The following ARFGEF3 variants were observed in gnomAD, a reference collection of about 807,000 sequenced individuals.
The protein encoded by ARFGEF3 is ARFGEF family member 3.
Under a neutral mutation model 221.7 loss-of-function variants are expected in ARFGEF3, and 96 were observed. That is an observed-to-expected ratio of 0.43 (90% confidence interval 0.37 to 0.51). ARFGEF3 has a LOEUF of 0.51. Ranked by LOEUF, ARFGEF3 falls within the 20% of genes least tolerant of loss-of-function variation. The probability of loss-of-function intolerance (pLI) is 0.00; values close to 1 mark genes in which losing one functional copy is unlikely to be tolerated. For missense variants in ARFGEF3, 2,410 were observed against 2,789.9 expected, an observed-to-expected ratio of 0.86 and a Z score of 3.07; for synonymous variants, 1,145 against 1,126.8, an observed-to-expected ratio of 1.02 and a Z score of -0.32.
intron 4 of ARFGEF3, chr6:138,218,460 C>T: frequency 2.4e-5 from 35 of 1,463,410 alleles, no homozygotes; most frequent in Non-Finnish European, 3.1e-5. Context: ...AATTATTATA[C>T]ATCAATTAGC....
At chr6:138,166,826 G>C (rs980265860) in intron 1 of ARFGEF3, among the ~76,000 whole-genome samples, 1 of 152,212 alleles carries the variant, frequency 6.6e-6, no homozygotes, top group Non-Finnish European at 1.5e-5. Flanking sequence ...CGAAGGCCAA[G>C]TAGGGGAAGA....
chr6:138,336,246 A>G, intron 33 of ARFGEF3, 49 bp from the exon 34 acceptor site: 1 of 1,434,822 alleles, frequency 7.0e-7, no homozygotes, highest in Non-Finnish European at 9.3e-7. Flanking sequence ...AAGTGTTCAA[A>G]TAAAACCAGG....
At chr6:138,335,262 C>G (rs1780302660) in intron 33 of ARFGEF3, 74 bp downstream of exon 33, 1 of 1,372,004 alleles carries the variant, frequency 7.3e-7, no homozygotes, top group Non-Finnish European at 9.6e-7. Flanking sequence ...CCTTGCAGAG[C>G]AGGCATACAC....
intron 4 of ARFGEF3, among the ~76,000 whole-genome samples, chr6:138,226,548 G>A (rs763323659): frequency 2.0e-5 from 3 of 150,782 alleles, no homozygotes; most frequent in Non-Finnish European, 3.0e-5. Flanking sequence ...ATTGCAGGAC[G>A]CTGCCCATCA....
chr6:138,319,769 G>A lies in ARFGEF3; in HGVS notation c.4541G>A (p.Arg1514Gln), dbSNP rs199906287. 9.1e-5 allele frequency: 147 copies of A among 1,613,676 alleles called. No homozygotes were observed. The highest frequency in any genetic ancestry group is 1.7e-4 in the Middle Eastern group (1 of 6,060). ...CCTGTGATGTCCGTTTGGCTCCGCC[G>A]GAGCCATAAAGACCATTCCTACTGG... ...LLPVMSVWLR[R>Q]SHKDHSYWDM... The change falls in exon 28 of 34, where the codon CGG (arginine) becomes CAG (glutamine). Residue 1514 changes from arginine to glutamine, a missense_variant. Transcript: ENST00000251691.
intron 2 of ARFGEF3, among the ~76,000 whole-genome samples, chr6:138,189,722 T>C (rs1488636252): frequency 6.6e-6 from 1 of 152,138 alleles, no homozygotes; most frequent in African/African-American, 2.4e-5. Context: ...ATTTTAACAA[T>C]TGGTCAAAAA....
In ARFGEF3 at chr6:138,292,073, C is replaced by T. The variant is rs180780280; in HGVS notation, c.3368+20C>T. 6.6e-3 allele frequency: 9,157 copies of T among 1,397,588 alleles called. 42 individuals carry two copies. The highest frequency in any genetic ancestry group is 7.2e-3 in the Non-Finnish European group (7,779 of 1,077,948). The allele number at this position is 1,397,588 out of a possible 1,614,324, so 86.6% of individuals were successfully genotyped here. ...CGACAGGTGCGCGGCGCCGGCCTCCCACGCCCCGGGAGCCTGCTTACCAGG... is the reference window on the plus strand; with the variant it reads ...CGACAGGTGCGCGGCGCCGGCCTCCTACGCCCCGGGAGCCTGCTTACCAGG... On this transcript the variant is annotated intron_variant, in intron 19 of 33. Transcript: ENST00000251691.
chr6:138,231,836 A>G (rs183423064), intron 5 of ARFGEF3, among the ~76,000 whole-genome samples: 6 of 152,346 alleles, frequency 3.9e-5, no homozygotes, highest in Admixed American at 3.3e-4. Flanking sequence ...TTCTGAAACT[A>G]TAAAAGGATC....
At chr6:138,219,263 G>GA (rs1316327472) in intron 4 of ARFGEF3, among the ~76,000 whole-genome samples, 1 of 152,026 alleles carries the variant, frequency 6.6e-6, no homozygotes, top group Non-Finnish European at 1.5e-5. Context: ...TCTTGGTAGA[G>GA]AAAAAAAGTC....
chr6:138,184,016 C>G (rs1777132747), intron 2 of ARFGEF3, among the ~76,000 whole-genome samples: 1 of 152,214 alleles, frequency 6.6e-6, no homozygotes, highest in African/African-American at 2.4e-5. Flanking sequence ...TCAGAACCCT[C>G]TGTGCGTTAC....
At chr6:138,248,430 A>G (rs1384390654) in intron 8 of ARFGEF3, among the ~76,000 whole-genome samples, 1 of 152,146 alleles carries the variant, frequency 6.6e-6, no homozygotes, top group African/African-American at 2.4e-5. Context: ...TAGAACGAAG[A>G]CCACCAGAAC....
intron 32 of ARFGEF3, 106 bp downstream of exon 32, chr6:138,328,248 C>A: frequency 7.6e-7 from 1 of 1,311,580 alleles, no homozygotes; most frequent in Non-Finnish European, 1.0e-6. Context: ...ATACTGAAAA[C>A]ATTTGTGGAG....
rs1173867352 is a variant in ARFGEF3 at position 138,343,481 on chromosome 6, T to C, written c.*6995T>C. ...TGTTTTTTTTTGGTTTTTTTTTTACTTTAGTTTCCCATAATTTTTGGAAAT... is the reference window on the plus strand; with the variant it reads ...TGTTTTTTTTTGGTTTTTTTTTTACCTTAGTTTCCCATAATTTTTGGAAAT... On this transcript the variant is annotated 3_prime_UTR_variant, in exon 34 of 34. Transcript: ENST00000251691. The C allele has an allele frequency of 6.6e-6, 1 of 151,802 alleles. No individual in the cohort carries two copies. The highest frequency in any genetic ancestry group is 1.5e-5 in the Non-Finnish European group (1 of 67,946). The allele number at this position is 151,802 out of a possible 1,614,324, so 9.4% of individuals were successfully genotyped here.
Position 138,291,815 on chromosome 6 carries a change from C to G in ARFGEF3, c.3130C>G (p.Gln1044Glu). 6.7e-7 allele frequency: 1 copy of G among 1,490,314 alleles called. No homozygotes were observed. Among genetic ancestry groups the G allele is most frequent in the Non-Finnish European group, 8.9e-7 (1 of 1,119,068 alleles). The allele number at this position is 1,490,314 out of a possible 1,614,324, so 92.3% of individuals were successfully genotyped here. ...GCCCCCTCTGACCATCAGCCAGCCC[C>G]AGAAGGCCACTGGAAGCGCTGGCCT... is the stretch of plus-strand genomic sequence containing the variant. ...SQPPLTISQP[Q>E]KATGSAGLLG... Residue 1044 changes from glutamine to glutamate, a missense_variant, in exon 19 of 34, where the codon CAG (glutamine) becomes GAG (glutamate). Gln to Glu is a conservative substitution (Grantham distance 29). Around this residue, in one of 5 missense-constraint regions of ARFGEF3, gnomAD observed 184 missense variants for 141.8 expected, o/e 1.30. Transcript: ENST00000251691. The surrounding 1 kb of genome is among the most constrained non-coding windows in gnomAD (Gnocchi z 4.5).
At position 138,207,032 on chromosome 6, in the gene ARFGEF3, T is replaced by C. The variant is rs745703886; in HGVS notation, c.138-10T>C. The C allele has an allele frequency of 1.2e-6, 2 of 1,602,362 alleles. No individual in the cohort carries two copies. Among genetic ancestry groups the C allele is most frequent in the Non-Finnish European group, 1.7e-6 (2 of 1,174,090 alleles). On this transcript the variant is annotated splice_polypyrimidine_tract_variant and intron_variant, in intron 2 of 33. Transcript: ENST00000251691. Reference sequence around the variant, plus strand: ...AGCTCACATGTTGTCCTTATTTTTGTGTTTGCCAGGGAGAAATGCCTGCTG... The same window carrying C: ...AGCTCACATGTTGTCCTTATTTTTGCGTTTGCCAGGGAGAAATGCCTGCTG...
At position 138,286,910 on chromosome 6, in the gene ARFGEF3, G is replaced by C; in HGVS notation, c.2779G>C (p.Ala927Pro). Residue 927 changes from alanine (A) to proline (P), a missense_variant, in exon 16 of 34, where the codon GCT (alanine) becomes CCT (proline). Transcript: ENST00000251691. ...GCGGAAAGCCGCACGGCTGAGCTGCGCTCTAGGTACCAGCGGGAGTAGTGT... is the reference window on the plus strand; with the variant it reads ...GCGGAAAGCCGCACGGCTGAGCTGCCCTCTAGGTACCAGCGGGAGTAGTGT... ...GLRKAARLSCALGVAANCASA... is the reference protein window; with the variant it reads ...GLRKAARLSCPLGVAANCASA... The C allele has an allele frequency of 1.9e-6, 3 of 1,612,856 alleles. No individual in the cohort carries two copies. Among genetic ancestry groups the C allele is most frequent in the Non-Finnish European group, 2.5e-6 (3 of 1,179,858 alleles).
rs565205066 is a variant in ARFGEF3, at chr6:138,318,386, G to T, written c.4474+1007G>T. ...AATTATCAATAATAAAGACAAAATT[G>T]TATATATAAGATGTTTGCTGAAACA... On this transcript the variant is annotated intron_variant, in intron 27 of 33. Transcript: ENST00000251691. Among the ~76,000 whole-genome samples, 264 of 152,220 alleles carry T rather than the reference G, an allele frequency of 1.7e-3. 1 individual carries two copies. The highest frequency in any genetic ancestry group is 6.0e-3 in the African/African-American group (249 of 41,540).
intron 2 of ARFGEF3, among the ~76,000 whole-genome samples, chr6:138,193,592 GATT>G (rs1390019175): frequency 6.6e-6 from 1 of 152,140 alleles, no homozygotes; most frequent in African/African-American, 2.4e-5. Flanking sequence ...CTCACAAATG[GATT>G]ATTAGTCATT....
intron 2 of ARFGEF3, among the ~76,000 whole-genome samples, chr6:138,204,930 T>C (rs750487689): frequency 2.6e-5 from 4 of 152,152 alleles, no homozygotes; most frequent in Non-Finnish European, 5.9e-5. Flanking sequence ...TGGGGAACAG[T>C]TCAGTGATGT....
Sources: allele counts gnomAD v4.1 joint callset (sites outside exome capture counted in the v4.1 genomes callset), GRCh38; gene constraint gnomAD v4.1.1; regional missense constraint gnomAD v4.1.1; non-coding constraint Gnocchi (gnomAD v3.1); transcripts MANE v1.5; gene names NCBI Gene and HGNC (gene_info 2026-07-23, HGNC 2026-07-21).